Variants in GUCY2D observed in about 807,000 individuals in gnomAD.
The protein encoded by GUCY2D is guanylate cyclase 2D, retinal, also known as retinal guanylyl cyclase 1.
Under a neutral mutation model 101.3 loss-of-function variants are expected in GUCY2D, and 70 were observed. The observed-to-expected ratio is 0.69, with a 90% CI of 0.57 to 0.84. The LOEUF (loss-of-function observed/expected upper bound fraction) is 0.84, where lower values mean the gene tolerates loss of function less well. GUCY2D is among the 40% of genes least tolerant of loss of function. The pLI is 0.00. For synonymous variants in GUCY2D, 688 were observed against 670.7 expected, an observed-to-expected ratio of 1.03 and a Z score of -0.40; for missense variants, 1,460 against 1,542.5, an observed-to-expected ratio of 0.95 and a Z score of 0.90.
rs1201988758 is a variant in GUCY2D, at chr17:8,015,496, CACTCGGGTA to C, written c.2943_2944+7del. ...TCCCGTGCGCATCCGCATAGGCCTG[CACTCGGGTA>C]ACTCCCGGGTCTTCCCAGGCTCCAG... On this transcript the variant is annotated splice_donor_variant and splice_donor_region_variant and coding_sequence_variant and intron_variant, in exon 15 of 20. Transcript: ENST00000254854. LOFTEE classifies it high-confidence loss of function. 6.2e-7 allele frequency: 1 copy of C among 1,611,270 alleles called. No homozygotes were observed. Among genetic ancestry groups the C allele is most frequent in the Non-Finnish European group, 8.5e-7 (1 of 1,179,270 alleles).
At position 8,015,764 on chromosome 17, in the gene GUCY2D, T is replaced by G. The variant is rs1316312106; in HGVS notation, c.2966T>G (p.Val989Gly). ...LHSGPCVAGV[V>G]GLTMPRYCLF... is the part of the protein sequence containing the mutation. Reference sequence around the variant, plus strand: ...ACAGGTCCATGCGTGGCAGGCGTGGTGGGCCTCACCATGCCGCGGTACTGC... The same window carrying G: ...ACAGGTCCATGCGTGGCAGGCGTGGGGGGCCTCACCATGCCGCGGTACTGC... Residue 989 changes from valine (V) to glycine (G), a missense_variant, in exon 16 of 20, where the codon GTG becomes GGG. Transcript: ENST00000254854. 2.5e-6 allele frequency: 4 copies of G among 1,610,480 alleles called. No homozygotes were observed. The highest frequency in any genetic ancestry group is 2.5e-6 in the Non-Finnish European group (3 of 1,178,772).
intron 3 of GUCY2D, among the ~76,000 whole-genome samples, chr17:8,004,857 A>T (rs1975709528): frequency 6.6e-6 from 1 of 152,104 alleles, no homozygotes; most frequent in Non-Finnish European, 1.5e-5. Context: ...TAGGGGTTGC[A>T]ATTTCCCATC....
chr17:8,006,192 G>A (rs2151800311), intron 3 of GUCY2D, among the ~76,000 whole-genome samples, 171 bp from the exon 4 acceptor site: 1 of 146,254 alleles, frequency 6.8e-6, no homozygotes, highest in Admixed American at 6.9e-5. Context: ...TGGGGAGGGA[G>A]GAAGAGAGCC....
rs780386793 is a variant in GUCY2D, at chr17:8,014,878, A to C, written c.2596A>C (p.Lys866Gln). Residue 866 changes from lysine to glutamine, a missense_variant, in exon 14 of 20, where the codon AAG becomes CAG. Lys to Gln is a moderately conservative substitution (Grantham distance 53). This residue lies in a region of GUCY2D where 1,196 missense variants were observed against 1,229.6 expected (regional missense o/e 0.97). Transcript: ENST00000254854. The surrounding 1 kb of genome is among the most constrained non-coding windows in gnomAD (Gnocchi z 4.0). ...CCCTAGGTCTGTGGCTGAGGCCTTGAAGACGGGGACACCAGTGGAGCCCGA... is the reference window on the plus strand; with the variant it reads ...CCCTAGGTCTGTGGCTGAGGCCTTGCAGACGGGGACACCAGTGGAGCCCGA... ...MLPPSVAEAL[K>Q]TGTPVEPEYF... 1.2e-6 allele frequency: 2 copies of C among 1,613,980 alleles called. No individual in the cohort carries two copies. The highest frequency in any genetic ancestry group is 1.3e-5 in the African/African-American group (1 of 74,892).
At position 8,012,127 on chromosome 17, in the gene GUCY2D, A is replaced by G. The variant is rs749138289; in HGVS notation, c.1750-17A>G. 1 of 1,597,238 alleles carries G rather than the reference A, an allele frequency of 6.3e-7. No individual in the cohort carries two copies. The highest frequency in any genetic ancestry group is 8.6e-7 in the Non-Finnish European group (1 of 1,165,632). Reference sequence around the variant, plus strand: ...TTGCCCTGGGCAGAAAATGCAAGTCAACTCTCCCCCTCTCAGCTCCAGGAG... The same window carrying G: ...TTGCCCTGGGCAGAAAATGCAAGTCGACTCTCCCCCTCTCAGCTCCAGGAG... On this transcript the variant is annotated splice_polypyrimidine_tract_variant and intron_variant, in intron 8 of 19. Transcript: ENST00000254854.
intron 19 of GUCY2D, among the ~76,000 whole-genome samples, chr17:8,019,403 G>A (rs1976032747): frequency 6.6e-6 from 1 of 152,208 alleles, no homozygotes; most frequent in African/African-American, 2.4e-5. Flanking sequence ...ATGAGCCAGA[G>A]GGCAGACCCA....
chr17:8,002,656 C>T lies in GUCY2D; in HGVS notation c.-88C>T, dbSNP rs1426271065. 1 of 210,144 alleles carries T rather than the reference C, an allele frequency of 4.8e-6. No individual in the cohort carries two copies. Among genetic ancestry groups the T allele is most frequent in the African/African-American group, 2.3e-5 (1 of 42,946 alleles). 13.0% of individuals were successfully genotyped at this position (210,144 alleles called of 1,614,324 possible). On this transcript the variant is annotated 5_prime_UTR_variant, in exon 1 of 20. Coordinates refer to ENST00000254854, the MANE Select transcript of GUCY2D (RefSeq NM_000180.4). The surrounding 1 kb of genome is among the most constrained non-coding windows in gnomAD (Gnocchi z 4.9). The stretch of plus-strand genomic sequence containing the variant: ...CCTGGCCTGGGCTGGCAAGGAAGAC[C>T]TGTGGGCGGGCGTCAAAAGGGGGAC...
intron 19 of GUCY2D, among the ~76,000 whole-genome samples, chr17:8,017,320 G>A (rs930802597): frequency 6.6e-6 from 1 of 152,168 alleles, no homozygotes; most frequent in Non-Finnish European, 1.5e-5. Context: ...GGGGATGTGA[G>A]GGTCAGGGAT....
At chr17:8,015,123 G>GA in intron 14 of GUCY2D, 72 bp downstream of exon 14, 1 of 1,346,184 alleles carries the variant, frequency 7.4e-7, no homozygotes, top group Middle Eastern at 2.0e-4. Flanking sequence ...AGCCCTTCCT[G>GA]CGCAGCCCCT....
Position 8,013,145 on chromosome 17 carries a change from T to A in GUCY2D, c.2156T>A (p.Leu719Gln). The A allele has an allele frequency of 6.2e-7, 1 of 1,613,854 alleles. No homozygotes were observed. The highest frequency in any genetic ancestry group is 8.5e-7 in the Non-Finnish European group (1 of 1,179,972). ...TAPELLRDPA[L>Q]ERRGTLAGDV... ...CCGGAGCTGCTTAGGGACCCAGCCC[T>A]GGAGCGCCGGGGAACGCTGGCCGGC... is the stretch of plus-strand genomic sequence containing the variant. Residue 719 changes from leucine to glutamine, a missense_variant, in exon 11 of 20, where the codon CTG becomes CAG. Physicochemically the swap from Leu to Gln is moderately radical, Grantham distance 113. Transcript: ENST00000254854. The surrounding 1 kb of genome is among the most constrained non-coding windows in gnomAD (Gnocchi z 5.0).
Position 8,014,155 on chromosome 17 carries a change from A to AG in GUCY2D, c.2412+128dup. On this transcript the variant is annotated intron_variant, in intron 12 of 19. Coordinates refer to ENST00000254854, the MANE Select transcript of GUCY2D (RefSeq NM_000180.4). The surrounding 1 kb of genome is among the most constrained non-coding windows in gnomAD (Gnocchi z 4.0). Reference sequence around the variant, plus strand: ...TGGCCTTCCAGGCTACCTCCTAAGGAGTAGCCTGAAGACTCGGAGTTTGGG... The same window carrying AG: ...TGGCCTTCCAGGCTACCTCCTAAGGAGGTAGCCTGAAGACTCGGAGTTTGGG... 1 of 851,960 alleles carries AG rather than the reference A, an allele frequency of 1.2e-6. No homozygotes were observed. The highest frequency in any genetic ancestry group is 2.0e-6 in the Non-Finnish European group (1 of 510,410). 52.8% of individuals were successfully genotyped at this position (851,960 alleles called of 1,614,324 possible). A position where few individuals can be genotyped will look rare whatever the true frequency, so the allele number is the denominator to read the frequency against.
rs1282066255 is a variant in GUCY2D at position 8,012,437 on chromosome 17, T to C, written c.1957-13T>C. 1 of 1,613,768 alleles carries C rather than the reference T, an allele frequency of 6.2e-7. No homozygotes were observed. Among genetic ancestry groups the C allele is most frequent in the East Asian group, 2.2e-5 (1 of 44,884 alleles). ...AGCAGGCTGAGGCTGCCTCTTACCCTACCCATTCCAAGGGAATAAGGTATC... is the reference window on the plus strand; with the variant it reads ...AGCAGGCTGAGGCTGCCTCTTACCCCACCCATTCCAAGGGAATAAGGTATC... On this transcript the variant is annotated splice_polypyrimidine_tract_variant and intron_variant, in intron 9 of 19. Transcript: ENST00000254854.
chr17:8,006,258 G>A, intron 3 of GUCY2D, 105 bp from the exon 4 acceptor site: 1 of 836,302 alleles, frequency 1.2e-6, no homozygotes, highest in East Asian at 2.5e-5. Flanking sequence ...ACAACTAACT[G>A]GAAGGTGGCA....
Position 8,006,726 on chromosome 17 carries a change from C to T in GUCY2D, c.1378+12C>T, listed in dbSNP as rs759370090. The T allele has an allele frequency of 1.3e-5, 20 of 1,578,942 alleles. No homozygotes were observed. The Middle Eastern group carries it at 7.3e-4, about 57-fold the overall frequency. ...CATCTGCGGTGGAGGTGAGGGCGAGCACCCCAGTCCCCACTGAGACAATCG... is the reference window on the plus strand; with the variant it reads ...CATCTGCGGTGGAGGTGAGGGCGAGTACCCCAGTCCCCACTGAGACAATCG... On this transcript the variant is annotated intron_variant, in intron 4 of 19. Transcript: ENST00000254854.
At chr17:8,010,078 G>A (rs1421756396) in intron 8 of GUCY2D, among the ~76,000 whole-genome samples, 1 of 151,958 alleles carries the variant, frequency 6.6e-6, no homozygotes, top group Non-Finnish European at 1.5e-5. Flanking sequence ...TTGTTGCAAT[G>A]TGCAATTGTA....
Position 8,003,167 on chromosome 17 carries a change from G to A in GUCY2D, c.120G>A (p.Leu40=). The change falls in exon 2 of 20, where the codon CTG becomes CTA. Residue 40 remains leucine, a synonymous_variant. Transcript: ENST00000254854. ...CCCTGCCCCGGCTCCCGCTCCTGCT[G>A]CTCCTGCTTCTGCTGCAGCCCCCCG... ...PRALPRLPLL[L]LLLLLQPPAL... is the part of the protein sequence containing the mutation. 6.6e-7 allele frequency: 1 copy of A among 1,512,442 alleles called. No homozygotes were observed. The highest frequency in any genetic ancestry group is 8.8e-7 in the Non-Finnish European group (1 of 1,136,494). The allele number at this position is 1,512,442 out of a possible 1,614,324, so 93.7% of individuals were successfully genotyped here.
rs72841482 is a variant in GUCY2D at position 8,014,828 on chromosome 17, C to T, written c.2577-31C>T. On this transcript the variant is annotated intron_variant, in intron 13 of 19. Coordinates refer to ENST00000254854, the MANE Select transcript of GUCY2D (RefSeq NM_000180.4). This position sits in a 1 kb window ranked among gnomAD's most constrained non-coding sequence, Gnocchi z 4.0. ...TGGAGCCCAGCCAGGTAGAGTGGCC[C>T]CCAGGTGACCTCACTGCCTGCCATC... 0.086 allele frequency: 138,628 copies of T among 1,612,752 alleles called. 6,910 individuals carry two copies. Among genetic ancestry groups the T allele is most frequent in the Non-Finnish European group, 0.1 (121,442 of 1,178,942 alleles).
At chr17:8,017,326 G>A (rs1048640827) in intron 19 of GUCY2D, among the ~76,000 whole-genome samples, 1 of 152,190 alleles carries the variant, frequency 6.6e-6, no homozygotes, top group African/African-American at 2.4e-5. Context: ...GTGAGGGTCA[G>A]GGATTCTCCG....
Position 8,013,281 on chromosome 17 carries a change from C to CA in GUCY2D, c.2263+29_2263+30insA. Reference sequence around the variant, plus strand: ...AGGCTGCCCTGTGCGTGGAGTTCGGCCCACAGGGGCACCCTGCAGTTAGAA... The same window carrying CA: ...AGGCTGCCCTGTGCGTGGAGTTCGGCACCACAGGGGCACCCTGCAGTTAGAA... On this transcript the variant is annotated intron_variant, in intron 11 of 19. Transcript: ENST00000254854. The surrounding 1 kb of genome is among the most constrained non-coding windows in gnomAD (Gnocchi z 5.0). 2 of 1,609,920 alleles carry CA rather than the reference C, an allele frequency of 1.2e-6. No individual in the cohort carries two copies. The highest frequency in any genetic ancestry group is 1.7e-6 in the Non-Finnish European group (2 of 1,176,654).
Sources: allele counts gnomAD v4.1 joint callset (sites outside exome capture counted in the v4.1 genomes callset), GRCh38; gene constraint gnomAD v4.1.1; regional missense constraint gnomAD v4.1.1; non-coding constraint Gnocchi (gnomAD v3.1); transcripts MANE v1.5; gene names NCBI Gene and HGNC (gene_info 2026-07-23, HGNC 2026-07-21).